UBN1: variants seen among roughly 807,000 people sequenced by gnomAD.
UBN1 encodes ubinuclein-1.
In UBN1, 17 loss-of-function variants were observed where a neutral mutation model predicts 108.5. The observed-to-expected ratio is 0.16, with a 90% CI of 0.11 to 0.24. The LOEUF (loss-of-function observed/expected upper bound fraction) is 0.24, where lower values mean the gene tolerates loss of function less well. UBN1 is among the 10% of genes least tolerant of loss of function. UBN1 has a pLI of 1.00. For missense variants in UBN1, 1,595 were observed against 1,394.4 expected, an observed-to-expected ratio of 1.14 and a Z score of -2.29; for synonymous variants, 726 against 564.2, an observed-to-expected ratio of 1.29 and a Z score of -4.07.
intron 7 of UBN1, among the ~76,000 whole-genome samples, chr16:4,868,029 C>A (rs2087422968): frequency 6.6e-6 from 1 of 152,172 alleles, no homozygotes; most frequent in South Asian, 2.1e-4. Context: ...ATTCCTGAAT[C>A]TCCTTTCCAG....
At position 4,877,800 on chromosome 16, in the gene UBN1, A is replaced by T; in HGVS notation, c.3355+326A>T. The T allele has an allele frequency of 6.6e-6, 4 of 607,978 alleles. No homozygotes were observed. The East Asian group carries it at 4.3e-4, about 65-fold the overall frequency. 37.7% of individuals were successfully genotyped at this position (607,978 alleles called of 1,614,324 possible). A position where few individuals can be genotyped will look rare whatever the true frequency, so the allele number is the denominator to read the frequency against. On this transcript the variant is annotated intron_variant, in intron 17 of 17. Coordinates refer to ENST00000262376, the MANE Select transcript of UBN1 (RefSeq NM_001079514.3). This position sits in a 1 kb window ranked among gnomAD's most constrained non-coding sequence, Gnocchi z 4.3. ...GGCTTGTTTTTTTCTCTTCAGTTTA[A>T]AAAAAAAAAAAAAGGGAAGGTAATG...
intron 14 of UBN1, 131 bp from the exon 15 acceptor site, chr16:4,874,080 A>C: frequency 8.5e-7 from 1 of 1,171,116 alleles, no homozygotes; most frequent in Non-Finnish European, 1.2e-6. Context: ...GCTCTGTCCC[A>C]CCACTTGTCT....
chr16:4,870,072 G>A (rs2087545901), intron 8 of UBN1, 140 bp from the exon 9 acceptor site: 8 of 1,234,844 alleles, frequency 6.5e-6, no homozygotes, highest in South Asian at 5.8e-5. Flanking sequence ...GTTTCCTTGG[G>A]CATTCAGTTA....
intron 15 of UBN1, among the ~76,000 whole-genome samples, chr16:4,875,640 T>G (rs1285661507): frequency 1.3e-5 from 2 of 152,142 alleles, no homozygotes; most frequent in East Asian, 3.9e-4. Flanking sequence ...GCCTAAAGCT[T>G]CTTCTGAGGA....
chr16:4,851,836 A>T (rs2086572072), intron 1 of UBN1, among the ~76,000 whole-genome samples: 1 of 152,164 alleles, frequency 6.6e-6, no homozygotes, highest in Non-Finnish European at 1.5e-5. Context: ...AAAAAAGAAA[A>T]AAGTTAACAT....
At chr16:4,869,157 T>G (rs1241144370) in intron 8 of UBN1, among the ~76,000 whole-genome samples, 1 of 152,166 alleles carries the variant, frequency 6.6e-6, no homozygotes, top group Non-Finnish European at 1.5e-5. Flanking sequence ...TAATAACATG[T>G]GATAATCATG....
At chr16:4,871,033 C>G in intron 11 of UBN1, 61 bp downstream of exon 11, 1 of 1,606,786 alleles carries the variant, frequency 6.2e-7, no homozygotes, top group South Asian at 1.1e-5. Flanking sequence ...CTGAGCACGT[C>G]CCCTATTGCT....
Position 4,860,976 on chromosome 16 carries a change from C to G in UBN1, c.984C>G (p.Pro328=). Residue 328 remains proline, a synonymous_variant, in exon 7 of 18, where the codon CCC becomes CCG. Coordinates refer to ENST00000262376, the MANE Select transcript of UBN1 (RefSeq NM_001079514.3). ...HLLSESPEGS[P]FRDMDDGSDS... ...TCAGTGAGTCTCCAGAAGGAAGTCC[C>G]TTCCGAGATATGGATGATGGAAGTG... is the stretch of plus-strand genomic sequence containing the variant. 2 of 1,614,266 alleles carry G rather than the reference C, an allele frequency of 1.2e-6. No homozygotes were observed. The highest frequency in any genetic ancestry group is 8.5e-7 in the Non-Finnish European group (1 of 1,180,052).
chr16:4,868,971 T>C, intron 8 of UBN1, 68 bp downstream of exon 8: 2 of 1,549,542 alleles, frequency 1.3e-6, no homozygotes, highest in East Asian at 2.3e-5. Flanking sequence ...GCAAGCCAGC[T>C]AGGGGACAGT....
rs910984036 is a variant in UBN1 at position 4,875,106 on chromosome 16, A to G, written c.2696A>G (p.Tyr899Cys). 18 of 1,614,170 alleles carry G rather than the reference A, an allele frequency of 1.1e-5. No individual in the cohort carries two copies. Among genetic ancestry groups the G allele is most frequent in the African/African-American group, 1.3e-5 (1 of 75,056 alleles). ...PHSVSSAGSS[Y>C]KNNPFASSIS... ...TCAGTCAGCTCTGCAGGCTCATCTT[A>G]CAAGAATAATCCCTTTGCCAGCTCA... Residue 899 changes from tyrosine (Y) to cysteine (C), a missense_variant, in exon 15 of 18, where the codon TAC (tyrosine) becomes TGC (cysteine). Physicochemically the swap from Tyr to Cys is radical, Grantham distance 194. Around this residue, in one of 3 missense-constraint regions of UBN1, gnomAD observed 1,398 missense variants for 1,194.7 expected, o/e 1.17. Transcript: ENST00000262376.
At chr16:4,873,812 T>G (rs1019003450) in intron 14 of UBN1, among the ~76,000 whole-genome samples, 1 of 152,158 alleles carries the variant, frequency 6.6e-6, no homozygotes, top group Admixed American at 6.5e-5. Flanking sequence ...AAGGGAAAAA[T>G]AGCTGCTTTA....
At chr16:4,864,227 C>T (rs1017687057) in intron 7 of UBN1, among the ~76,000 whole-genome samples, 2 of 152,020 alleles carry the variant, frequency 1.3e-5, no homozygotes, top group Non-Finnish European at 2.9e-5. Context: ...GCTGGGATTA[C>T]AGGCGTGAGC....
Position 4,874,410 on chromosome 16 carries a change from G to A in UBN1, c.2000G>A (p.Arg667His), listed in dbSNP as rs144033760. 1.7e-5 allele frequency: 27 copies of A among 1,613,920 alleles called. No homozygotes were observed. In the African/African-American group the frequency reaches 2.8e-4, roughly 17 times the overall value. ...LEDSLDEDLIRNPASSVEAVS... is the reference protein window; with the variant it reads ...LEDSLDEDLIHNPASSVEAVS... ...GACTCATTGGATGAAGACTTGATCC[G>A]CAATCCAGCCTCCTCGGTGGAAGCC... is the stretch of plus-strand genomic sequence containing the variant. The change falls in exon 15 of 18, where the codon CGC (arginine) becomes CAC (histidine). Residue 667 changes from arginine to histidine, a missense_variant. Around this residue, in one of 3 missense-constraint regions of UBN1, gnomAD observed 1,398 missense variants for 1,194.7 expected, o/e 1.17. Coordinates refer to ENST00000262376, the MANE Select transcript of UBN1 (RefSeq NM_001079514.3).
At chr16:4,855,514 G>C (rs1463839994) in intron 2 of UBN1, among the ~76,000 whole-genome samples, 2 of 150,366 alleles carry the variant, frequency 1.3e-5, no homozygotes, top group African/African-American at 4.9e-5. Flanking sequence ...TACTCAGAAA[G>C]CTGAGGTGGG....
intron 10 of UBN1, 41 bp downstream of exon 10, chr16:4,870,675 T>C: frequency 2.5e-6 from 4 of 1,610,260 alleles, no homozygotes; most frequent in Non-Finnish European, 3.4e-6. Context: ...CCCTCCCGTC[T>C]TGCCTCTTCC....
intron 2 of UBN1, among the ~76,000 whole-genome samples, chr16:4,856,184 CTG>C (rs1391401381): frequency 6.6e-6 from 1 of 152,208 alleles, no homozygotes; most frequent in East Asian, 1.9e-4. Context: ...AGCAGGTCAA[CTG>C]AAATTAGAAC....
intron 15 of UBN1, among the ~76,000 whole-genome samples, chr16:4,876,023 A>T (rs955338713): frequency 6.8e-6 from 1 of 146,488 alleles, no homozygotes; most frequent in East Asian, 2.0e-4. Flanking sequence ...CAGTGGCGCT[A>T]TCTCGGCTCA....
chr16:4,848,290 A>C (rs1156306699), intron 1 of UBN1, 80 bp downstream of exon 1: 1 of 152,250 alleles, frequency 6.6e-6, no homozygotes, highest in Non-Finnish European at 1.5e-5. Flanking sequence ...TGACAACAGG[A>C]AGACAGATGC....
intron 6 of UBN1, 145 bp from the exon 7 acceptor site, chr16:4,860,519 G>T (rs2087011319): frequency 1.6e-5 from 14 of 852,908 alleles, no homozygotes; most frequent in Non-Finnish European, 2.6e-5. Context: ...AGCTCCATAT[G>T]CCAAGAGGAG....
Sources: gnomAD v4.1 joint callset for allele counts (sites outside exome capture counted in the v4.1 genomes callset) on GRCh38, gnomAD v4.1.1 for gene constraint, gnomAD v4.1.1 regional missense constraint, Gnocchi (gnomAD v3.1) non-coding constraint, MANE v1.5 for transcripts, NCBI Gene and HGNC (gene_info 2026-07-23, HGNC 2026-07-21) for gene names.